Variants in LYPLAL1 observed in about 807,000 individuals in gnomAD.
LYPLAL1 encodes the protein lysophospholipase-like protein 1.
A neutral mutation model predicts 19.7 loss-of-function variants in LYPLAL1; 23 were observed. The observed-to-expected ratio is 1.17, with a 90% confidence interval of 0.84 to 1.65. LYPLAL1 has a LOEUF of 1.65. LYPLAL1 is among the 40% of genes most tolerant of loss of function. The pLI is 0.00. For missense variants in LYPLAL1, 355 were observed against 279.4 expected (o/e 1.27, Z -1.93); for synonymous variants, 119 against 96.3 (o/e 1.24, Z -1.38).
the LYPLAL1 span, among the ~76,000 whole-genome samples, chr1:219,318,648 C>A: frequency 1.3e-5 from 2 of 152,170 alleles, no homozygotes; most frequent in Non-Finnish European, 2.9e-5. Flanking sequence ...GACTAGATTA[C>A]TAGTCCTTGG....
At chr1:219,278,678 A>AC in the LYPLAL1 span, among the ~76,000 whole-genome samples, 1 of 150,630 alleles carries the variant, frequency 6.6e-6, no homozygotes, top group Non-Finnish European at 1.5e-5. Context: ...AAAAATCACT[A>AC]AACAACAACA....
At chr1:219,417,627 C>T in the LYPLAL1 span, among the ~76,000 whole-genome samples, 1 of 152,214 alleles carries the variant, frequency 6.6e-6, no homozygotes, top group Admixed American at 6.5e-5. Flanking sequence ...AGTTCAATCT[C>T]AGTTATTACT....
the LYPLAL1 span, among the ~76,000 whole-genome samples, chr1:219,219,839 A>G: frequency 6.6e-6 from 1 of 152,150 alleles, no homozygotes; most frequent in South Asian, 2.1e-4. Flanking sequence ...GAGAATAGTG[A>G]TAAACTAGTG....
chr1:219,323,976 C>T, the LYPLAL1 span, among the ~76,000 whole-genome samples: 1 of 152,132 alleles, frequency 6.6e-6, no homozygotes, highest in Non-Finnish European at 1.5e-5. Flanking sequence ...ATCAAAGCTC[C>T]CAGGAACATG....
chr1:219,285,708 G>A, the LYPLAL1 span, among the ~76,000 whole-genome samples: 1 of 152,176 alleles, frequency 6.6e-6, no homozygotes, highest in African/African-American at 2.4e-5. Flanking sequence ...TTGCCTTAGG[G>A]TCTGAGGGGA....
chr1:219,373,843 G>A, the LYPLAL1 span, among the ~76,000 whole-genome samples: 1 of 104,536 alleles, frequency 9.6e-6, no homozygotes, highest in Admixed American at 1.3e-4. Context: ...GCAGGCTTAA[G>A]TCAGAAATGA....
intron 3 of LYPLAL1, among the ~76,000 whole-genome samples, chr1:219,209,134 G>GT (rs1379812982): frequency 6.6e-6 from 1 of 152,068 alleles, no homozygotes; most frequent in African/African-American, 2.4e-5. Context: ...TTTTGAAAGA[G>GT]CCTTTCAGGT....
intron 2 of LYPLAL1, among the ~76,000 whole-genome samples, chr1:219,191,555 C>G (rs1178464710): frequency 6.6e-6 from 1 of 151,178 alleles, no homozygotes; most frequent in African/African-American, 2.4e-5. Flanking sequence ...CAAGAAATAG[C>G]CTGTAAATAT....
At chr1:219,328,917 T>C in the LYPLAL1 span, among the ~76,000 whole-genome samples, 2 of 152,210 alleles carry the variant, frequency 1.3e-5, no homozygotes, top group Non-Finnish European at 2.9e-5. Context: ...TGTCTTGTTT[T>C]CTATCCTTAT....
the LYPLAL1 span, among the ~76,000 whole-genome samples, chr1:219,430,827 G>A: frequency 1.3e-5 from 2 of 152,080 alleles, no homozygotes; most frequent in Admixed American, 6.5e-5. Flanking sequence ...TCTAGGTGTA[G>A]TTTTTTAATT....
At chr1:219,376,103 A>T in the LYPLAL1 span, among the ~76,000 whole-genome samples, 357 of 152,302 alleles carry the variant, frequency 2.3e-3, 3 homozygotes, top group African/African-American at 7.3e-3. Flanking sequence ...TGGTACTGGT[A>T]AAATATGTCA....
chr1:219,331,814 C>A, the LYPLAL1 span, among the ~76,000 whole-genome samples: 2 of 152,100 alleles, frequency 1.3e-5, no homozygotes. Flanking sequence ...TGGAGAGGTA[C>A]AATTTTGTGG....
intron 3 of LYPLAL1, among the ~76,000 whole-genome samples, chr1:219,194,898 A>G (rs1456408514): frequency 6.6e-6 from 1 of 152,082 alleles, no homozygotes; most frequent in African/African-American, 2.4e-5. Context: ...TGGACAGAGT[A>G]ATGCTTTTTG....
the LYPLAL1 span, among the ~76,000 whole-genome samples, chr1:219,289,619 C>T: frequency 6.6e-6 from 1 of 152,134 alleles, no homozygotes; most frequent in Non-Finnish European, 1.5e-5. Flanking sequence ...AGTGAAGACT[C>T]TGCTTCAAGT....
At chr1:219,354,522 A>ACT in the LYPLAL1 span, among the ~76,000 whole-genome samples, 1 of 152,242 alleles carries the variant, frequency 6.6e-6, no homozygotes, top group Admixed American at 6.5e-5. Flanking sequence ...TTAAAGCAGT[A>ACT]AGTCGCAGAT....
chr1:219,229,282 G>GA, the LYPLAL1 span, among the ~76,000 whole-genome samples: 6 of 140,958 alleles, frequency 4.3e-5, no homozygotes, highest in African/African-American at 1.7e-4. Flanking sequence ...ACATAGGTGA[G>GA]GACAAGCATT....
At chr1:219,217,275 GGAAA>G (rs1294982752), downstream of LYPLAL1, among the ~76,000 whole-genome samples, 1 of 151,840 alleles carries the variant, frequency 6.6e-6, no homozygotes, top group Non-Finnish European at 1.5e-5. Flanking sequence ...ATAATTTAAA[GGAAA>G]GAAATCCAGA....
the LYPLAL1 span, among the ~76,000 whole-genome samples, chr1:219,270,182 G>C: frequency 6.6e-6 from 1 of 152,176 alleles, no homozygotes; most frequent in African/African-American, 2.4e-5. Context: ...TTATTTTAGT[G>C]GTGTTGTTGT....
chr1:219,409,815 T>C, the LYPLAL1 span: 1 of 152,354 alleles, frequency 6.6e-6, no homozygotes, highest in East Asian at 1.9e-4. Context: ...GCACCATTAC[T>C]TCTGTTCTCA....
Sources: gnomAD v4.1 joint callset for allele counts (sites outside exome capture counted in the v4.1 genomes callset) on GRCh38, gnomAD v4.1.1 for gene constraint, MANE v1.5 for transcripts, NCBI Gene and HGNC (gene_info 2026-07-23, HGNC 2026-07-21) for gene names.